DCX: variants seen among roughly 807,000 people sequenced by gnomAD.
DCX encodes neuronal migration protein doublecortin.
Under a neutral mutation model 20.9 loss-of-function variants are expected in DCX, and 4 were observed. The observed-to-expected ratio is 0.19, with a 90% confidence interval of 0.09 to 0.44. DCX has a LOEUF of 0.44. DCX is among the 20% of genes least tolerant of loss of function. The pLI is 0.99. For synonymous variants in DCX, 103 were observed against 111.4 expected (o/e 0.92, Z 0.47); for missense variants, 133 against 296.9 (o/e 0.45, Z 4.06).
At chrX:111,390,920 G>A (rs1342752741) in intron 3 of DCX, among the ~76,000 whole-genome samples, 3 of 107,944 alleles carry the variant, frequency 2.8e-5, no homozygotes, top group Non-Finnish European at 3.8e-5. Context: ...TGGGAGACTC[G>A]CTTGAGCCCA....
At chrX:111,358,725 C>T (rs762739695) in intron 3 of DCX, among the ~76,000 whole-genome samples, 5 of 111,612 alleles carry the variant, frequency 4.5e-5, no homozygotes, top group African/African-American at 6.5e-5. Context: ...ATCCCAGAAA[C>T]GAGCTTTAAA....
At chrX:111,389,412 C>T (rs767876016) in intron 3 of DCX, among the ~76,000 whole-genome samples, 64 of 111,329 alleles carry the variant, frequency 5.7e-4, no homozygotes, top group African/African-American at 1.7e-3. Context: ...CATCTACTTA[C>T]CTGATTTTAA....
intron 5 of DCX, among the ~76,000 whole-genome samples, chrX:111,314,201 C>T (rs981469652): frequency 1.8e-5 from 2 of 111,607 alleles, no homozygotes; most frequent in African/African-American, 6.5e-5. Flanking sequence ...TGGCTTATAT[C>T]CTCACTCATC....
chrX:111,385,980 A>G (rs1305849151), intron 3 of DCX, among the ~76,000 whole-genome samples: 1 of 111,405 alleles, frequency 9.0e-6, no homozygotes, highest in Non-Finnish European at 1.9e-5. Context: ...TGCCTTTTGT[A>G]TGAAGATTTC....
intron 6 of DCX, among the ~76,000 whole-genome samples, chrX:111,304,708 A>G (rs1225696392): frequency 1.8e-5 from 2 of 112,090 alleles, no homozygotes; most frequent in East Asian, 5.6e-4. Flanking sequence ...TTGTTTAAAA[A>G]TCACAGCCGT....
Position 111,360,898 on chromosome X carries a change from G to A in DCX, c.706-27745C>T, listed in dbSNP as rs772729283. Among the ~76,000 whole-genome samples the A allele has an allele frequency of 3.6e-5, 4 of 112,140 alleles. No individual in the cohort carries two copies. The South Asian group carries it at 1.5e-3, about 42-fold the overall frequency. On this transcript the variant is annotated intron_variant, in intron 3 of 6. Coordinates refer to ENST00000636035, the MANE Select transcript of DCX (RefSeq NM_001195553.2). ...GATATATTTATACACCTCTCTGTCTGTATATGTAAATGAAGTTTTCTCAAC... is the reference window on the plus strand; with the variant it reads ...GATATATTTATACACCTCTCTGTCTATATATGTAAATGAAGTTTTCTCAAC...
In DCX at chrX:111,301,495, T is replaced by C; in HGVS notation, c.*192A>G. The C allele has an allele frequency of 4.1e-6, 2 of 492,935 alleles. No homozygotes were observed. Among genetic ancestry groups the C allele is most frequent in the Non-Finnish European group, 7.4e-6 (2 of 271,927 alleles). 40.6% of individuals were successfully genotyped at this position (492,935 alleles called of 1,213,427 possible). A position where few individuals can be genotyped will look rare whatever the true frequency, so the allele number is the denominator to read the frequency against. Reference sequence around the variant, plus strand: ...ATCTATCTCTCATAATTGGTAACTGTGGATCAGTGGCCCAGAGGAGAAATC... The same window carrying C: ...ATCTATCTCTCATAATTGGTAACTGCGGATCAGTGGCCCAGAGGAGAAATC... On this transcript the variant is annotated 3_prime_UTR_variant, in exon 7 of 7. Transcript: ENST00000636035.
chrX:111,343,142 T>A (rs1157610386), intron 3 of DCX, among the ~76,000 whole-genome samples: 1 of 105,843 alleles, frequency 9.4e-6, no homozygotes, highest in Non-Finnish European at 1.9e-5. Flanking sequence ...GCTGGGTTTT[T>A]TTTTTTTTAA....
At chrX:111,328,168 G>A (rs2095103888) in intron 5 of DCX, among the ~76,000 whole-genome samples, 1 of 111,553 alleles carries the variant, frequency 9.0e-6, no homozygotes, top group Non-Finnish European at 1.9e-5. Context: ...TGGTTACTCT[G>A]TTTATCGTGT....
chrX:111,346,809 A>T (rs2147664498), intron 3 of DCX, among the ~76,000 whole-genome samples: 1 of 112,406 alleles, frequency 8.9e-6, no homozygotes, highest in South Asian at 3.7e-4. Context: ...TGGGTGAATT[A>T]TACATTATGT....
intron 2 of DCX, among the ~76,000 whole-genome samples, chrX:111,408,666 GAA>G (rs1261444830): frequency 1.9e-5 from 2 of 107,973 alleles, no homozygotes; most frequent in Non-Finnish European, 3.8e-5. Context: ...AAGAAAGAAA[GAA>G]AGAAAGAAAG....
At chrX:111,338,225 G>A (rs773013572) in intron 3 of DCX, among the ~76,000 whole-genome samples, 1 of 112,049 alleles carries the variant, frequency 8.9e-6, no homozygotes, top group South Asian at 3.8e-4. Flanking sequence ...TTCTGCACAG[G>A]CAAAACATAG....
intron 5 of DCX, among the ~76,000 whole-genome samples, chrX:111,321,725 G>A (rs963153591): frequency 1.8e-5 from 2 of 111,465 alleles, no homozygotes; most frequent in African/African-American, 3.3e-5. Context: ...CTGGGAGGCT[G>A]GACCAATTCC....
chrX:111,378,543 A>G (rs953083140), intron 3 of DCX, among the ~76,000 whole-genome samples: 1 of 111,460 alleles, frequency 9.0e-6, no homozygotes, highest in Non-Finnish European at 1.9e-5. Context: ...ACACCTCCTT[A>G]CCAATCTTCT....
chrX:111,404,541 C>T (rs1928065817), intron 2 of DCX, among the ~76,000 whole-genome samples: 1 of 111,972 alleles, frequency 8.9e-6, no homozygotes, highest in Non-Finnish European at 1.9e-5. Context: ...CAACTAGGCA[C>T]TTAAAAGCTG....
chrX:111,369,538 T>G (rs902525652), intron 3 of DCX, among the ~76,000 whole-genome samples: 1 of 111,673 alleles, frequency 9.0e-6, no homozygotes, highest in African/African-American at 3.3e-5. Flanking sequence ...AACAGAGACC[T>G]CTAGAAAATC....
chrX:111,317,915 G>A (rs943659610), intron 5 of DCX, among the ~76,000 whole-genome samples: 2 of 110,598 alleles, frequency 1.8e-5, no homozygotes, highest in African/African-American at 6.6e-5. Context: ...GGCCAGGCAC[G>A]GTGGCTCATG....
At chrX:111,404,572 T>C (rs1473009740) in intron 2 of DCX, among the ~76,000 whole-genome samples, 4 of 111,572 alleles carry the variant, frequency 3.6e-5, no homozygotes, top group Non-Finnish European at 7.5e-5. Context: ...GGGAAATCAC[T>C]TAATGTCTCT....
intron 5 of DCX, among the ~76,000 whole-genome samples, chrX:111,330,608 A>G (rs1921129418): frequency 9.0e-6 from 1 of 111,698 alleles, no homozygotes; most frequent in South Asian, 3.8e-4. Flanking sequence ...TCCATTGAAT[A>G]TGTTTTTGCC....
Sources: allele counts gnomAD v4.1 joint callset (sites outside exome capture counted in the v4.1 genomes callset), GRCh38; gene constraint gnomAD v4.1.1; transcripts MANE v1.5; gene names NCBI Gene and HGNC (gene_info 2026-07-23, HGNC 2026-07-21).